Variants in ANO5 observed in about 807,000 individuals in gnomAD.
ANO5 encodes anoctamin 5, also known as anoctamin-5.
Under a neutral mutation model 121.0 loss-of-function variants are expected in ANO5, and 109 were observed. That is an observed-to-expected ratio of 0.90 (90% CI 0.77 to 1.06). The LOEUF (loss-of-function observed/expected upper bound fraction) is 1.06, where lower values mean the gene tolerates loss of function less well. ANO5 is among the 50% of genes least tolerant of loss of function. The probability of loss-of-function intolerance (pLI) is 0.00; values close to 1 mark genes in which losing one functional copy is unlikely to be tolerated. For synonymous variants in ANO5, 406 were observed against 359.9 expected (o/e 1.13, Z -1.45); for missense variants, 1,064 against 1,078.5 (o/e 0.99, Z 0.19).
At chr11:22,215,221 T>A (rs1223572894) in intron 3 of ANO5, among the ~76,000 whole-genome samples, 1 of 151,918 alleles carries the variant, frequency 6.6e-6, no homozygotes, top group East Asian at 1.9e-4. Flanking sequence ...CTTGATCACC[T>A]CAAGGATGAT....
intron 1 of ANO5, among the ~76,000 whole-genome samples, chr11:22,201,832 A>AGG (rs1851973197): frequency 6.6e-6 from 1 of 152,202 alleles, no homozygotes; most frequent in Non-Finnish European, 1.5e-5. Flanking sequence ...CACCTCTTAA[A>AGG]GGGCCTACCT....
At chr11:22,195,403 A>G (rs1851777933) in intron 1 of ANO5, among the ~76,000 whole-genome samples, 1 of 151,992 alleles carries the variant, frequency 6.6e-6, no homozygotes, top group South Asian at 2.1e-4. Context: ...TAATGGTGTC[A>G]GTTGAAGCAT....
chr11:22,196,166 C>G (rs1194078352), intron 1 of ANO5, among the ~76,000 whole-genome samples: 2 of 152,094 alleles, frequency 1.3e-5, no homozygotes. Context: ...GCTTTTGGTT[C>G]TGGAGTCTGG....
At chr11:22,208,924 T>G (rs2133543037) in intron 2 of ANO5, among the ~76,000 whole-genome samples, 1 of 152,042 alleles carries the variant, frequency 6.6e-6, no homozygotes, top group South Asian at 2.1e-4. Flanking sequence ...GTCAATTTTT[T>G]TCACCCCATC....
intron 15 of ANO5, 31 bp downstream of exon 15, chr11:22,259,772 G>C (rs1378584591): frequency 6.4e-7 from 1 of 1,564,040 alleles, no homozygotes; most frequent in East Asian, 2.3e-5. Flanking sequence ...GTGTGATTCT[G>C]AAGAATGATT....
At chr11:22,275,737 AC>A (rs1364418927) in intron 20 of ANO5, among the ~76,000 whole-genome samples, 1 of 151,898 alleles carries the variant, frequency 6.6e-6, no homozygotes, top group Non-Finnish European at 1.5e-5. Flanking sequence ...ATTAAAATAT[AC>A]CTGCAGTTTA....
chr11:22,226,158 C>A, intron 6 of ANO5, 106 bp downstream of exon 6: 2 of 886,656 alleles, frequency 2.3e-6, no homozygotes, highest in Non-Finnish European at 3.7e-6. Flanking sequence ...AATACAATAG[C>A]TCTTTTGGCT....
intron 15 of ANO5, 109 bp downstream of exon 15, chr11:22,259,850 A>C: frequency 8.6e-7 from 1 of 1,168,230 alleles, no homozygotes; most frequent in Non-Finnish European, 1.2e-6. Context: ...ACACATTTTA[A>C]GGCAGTTTTT....
At chr11:22,198,376 G>A (rs1239144176) in intron 1 of ANO5, among the ~76,000 whole-genome samples, 5 of 152,122 alleles carry the variant, frequency 3.3e-5, no homozygotes, top group Admixed American at 3.3e-4. Context: ...AGTTAGAAAG[G>A]GAAGAAACAG....
intron 6 of ANO5, 67 bp downstream of exon 6, chr11:22,226,119 TTGCC>T: frequency 1.5e-6 from 2 of 1,324,384 alleles, no homozygotes; most frequent in South Asian, 2.4e-5. Context: ...ACTCTGGCCT[TTGCC>T]TGGATAGACT....
At chr11:22,214,870 T>C (rs1852390452) in intron 3 of ANO5, among the ~76,000 whole-genome samples, 1 of 151,978 alleles carries the variant, frequency 6.6e-6, no homozygotes, top group Non-Finnish European at 1.5e-5. Context: ...CCTACTGTGA[T>C]TATTATGACA....
At chr11:22,207,257 A>G (rs1444626643) in intron 2 of ANO5, among the ~76,000 whole-genome samples, 2 of 152,122 alleles carry the variant, frequency 1.3e-5, no homozygotes, top group Non-Finnish European at 2.9e-5. Flanking sequence ...AAAAAAGAAG[A>G]AAGTGGGAGA....
chr11:22,222,549 G>C (rs1852687682), intron 5 of ANO5, among the ~76,000 whole-genome samples: 1 of 151,680 alleles, frequency 6.6e-6, no homozygotes, highest in Admixed American at 6.6e-5. Context: ...AACCTCACCA[G>C]GACCAGATAA....
chr11:22,274,729 G>C lies in ANO5; in HGVS notation c.2396G>C (p.Arg799Pro). 3 of 1,613,324 alleles carry C rather than the reference G, an allele frequency of 1.9e-6. No homozygotes were observed. Among genetic ancestry groups the C allele is most frequent in the Non-Finnish European group, 2.5e-6 (3 of 1,179,524 alleles). ...FPNHTAPSEKRDFITCRYRDY... is the reference protein window; with the variant it reads ...FPNHTAPSEKPDFITCRYRDY... ...AACCACACTGCACCTTCGGAAAAAC[G>C]AGACTTCATCACTTGCAGGTGATTT... Residue 799 changes from arginine (R) to proline (P), a missense_variant, in exon 20 of 22, where the codon CGA (arginine) becomes CCA (proline). Physicochemically the swap from Arg to Pro is moderately radical, Grantham distance 103. Transcript: ENST00000324559.
intron 8 of ANO5, among the ~76,000 whole-genome samples, chr11:22,238,796 G>T (rs10833727): frequency 0.15 from 22,637 of 151,786 alleles, 4,915 homozygotes; most frequent in African/African-American, 0.48. Flanking sequence ...CAATGTGCAG[G>T]TTAGTTACAT....
At chr11:22,195,384 C>T (rs1014052885) in intron 1 of ANO5, among the ~76,000 whole-genome samples, 1 of 151,842 alleles carries the variant, frequency 6.6e-6, no homozygotes, top group Non-Finnish European at 1.5e-5. Flanking sequence ...TGTTATCATT[C>T]TATGTTCTTA....
At position 22,250,950 on chromosome 11, in the gene ANO5, G is replaced by T; in HGVS notation, c.1120-1G>T. ...TGATATTGTTATTGTTATTTTTACA[G>T]TTCTCCCATTTGTTTGATAATGAGT... On this transcript the variant is annotated splice_acceptor_variant, in intron 11 of 21. Transcript: ENST00000324559. LOFTEE classifies it high-confidence loss of function. 6.2e-7 allele frequency: 1 copy of T among 1,612,342 alleles called. No homozygotes were observed. The highest frequency in any genetic ancestry group is 8.5e-7 in the Non-Finnish European group (1 of 1,179,072).
At chr11:22,232,581 T>A (rs1486581534) in intron 7 of ANO5, among the ~76,000 whole-genome samples, 1 of 152,024 alleles carries the variant, frequency 6.6e-6, no homozygotes, top group Non-Finnish European at 1.5e-5. Context: ...ACCAGGATAA[T>A]GAAATTAATT....
chr11:22,231,178 A>G (rs1405442820), intron 7 of ANO5, among the ~76,000 whole-genome samples: 1 of 151,958 alleles, frequency 6.6e-6, no homozygotes, highest in Non-Finnish European at 1.5e-5. Context: ...ATTAGTGTTC[A>G]TCTTCCCATT....
Sources: gnomAD v4.1 joint callset for allele counts (sites outside exome capture counted in the v4.1 genomes callset) on GRCh38, gnomAD v4.1.1 for gene constraint, MANE v1.5 for transcripts, NCBI Gene and HGNC (gene_info 2026-07-23, HGNC 2026-07-21) for gene names.